The following FRMD3 variants were observed in gnomAD, a reference collection of about 807,000 sequenced individuals.
FRMD3 encodes FERM domain-containing protein 3.
A neutral mutation model predicts 70.2 loss-of-function variants in FRMD3; 33 were observed. That is an observed-to-expected ratio of 0.47 (90% CI 0.36 to 0.63). The LOEUF (loss-of-function observed/expected upper bound fraction) is 0.63, where lower values mean the gene tolerates loss of function less well. FRMD3 is among the 20% of genes least tolerant of loss of function. The probability of loss-of-function intolerance (pLI) is 0.00; values close to 1 mark genes in which losing one functional copy is unlikely to be tolerated. For synonymous variants in FRMD3, 279 were observed against 255.9 expected (o/e 1.09, Z -0.86); for missense variants, 632 against 711.4 (o/e 0.89, Z 1.27).
At chr9:83,473,005 C>T (rs1828307228) in intron 1 of FRMD3, among the ~76,000 whole-genome samples, 1 of 152,184 alleles carries the variant, frequency 6.6e-6, no homozygotes, top group Non-Finnish European at 1.5e-5. Context: ...GTGGCGAAAC[C>T]TCCCAGGCTC....
intron 1 of FRMD3, among the ~76,000 whole-genome samples, chr9:83,446,748 G>A (rs549521670): frequency 6.6e-6 from 1 of 151,966 alleles, no homozygotes; most frequent in African/African-American, 2.4e-5. Context: ...TTGCCAAGTA[G>A]GAAAGTCTTT....
intron 1 of FRMD3, among the ~76,000 whole-genome samples, chr9:83,437,695 T>C (rs1827175672): frequency 6.6e-6 from 1 of 152,126 alleles, no homozygotes; most frequent in Non-Finnish European, 1.5e-5. Flanking sequence ...CCAGCTGAGA[T>C]TGAGCCTATA....
intron 1 of FRMD3, among the ~76,000 whole-genome samples, chr9:83,488,227 A>G (rs1171117777): frequency 6.6e-6 from 1 of 152,216 alleles, no homozygotes; most frequent in Non-Finnish European, 1.5e-5. Context: ...AGGATGCACA[A>G]CATCTGAGTG....
At chr9:83,289,761 GTTTAT>G (rs941459789) in intron 13 of FRMD3, among the ~76,000 whole-genome samples, 8 of 152,134 alleles carry the variant, frequency 5.3e-5, no homozygotes, top group South Asian at 2.1e-4. Flanking sequence ...GTTCCAATAA[GTTTAT>G]TTTGTGTGCA....
chr9:83,553,038 G>A, the FRMD3 span, among the ~76,000 whole-genome samples: 1 of 152,088 alleles, frequency 6.6e-6, no homozygotes, highest in African/African-American at 2.4e-5. Context: ...CTGTTAGCTG[G>A]CTGTCATGTT....
chr9:83,279,727 T>A (rs1833907093), intron 13 of FRMD3, among the ~76,000 whole-genome samples: 1 of 149,982 alleles, frequency 6.7e-6, no homozygotes, highest in African/African-American at 2.5e-5. Flanking sequence ...ATGTTCTCAC[T>A]TGTAAGTGGG....
At chr9:83,434,539 G>C (rs1357220318) in intron 1 of FRMD3, among the ~76,000 whole-genome samples, 1 of 152,160 alleles carries the variant, frequency 6.6e-6, no homozygotes, top group East Asian at 1.9e-4. Flanking sequence ...ATCCCTTCCT[G>C]CTTACCCAGC....
At chr9:83,278,029 T>G (rs190600025) in intron 13 of FRMD3, among the ~76,000 whole-genome samples, 55 of 152,252 alleles carry the variant, frequency 3.6e-4, no homozygotes, top group Admixed American at 4.6e-4. Flanking sequence ...AACAGGGTGA[T>G]AGCATGAGAG....
chr9:83,534,318 A>G lies in FRMD3; in HGVS notation c.147+3767T>C, dbSNP rs1224965769. Among the ~76,000 whole-genome samples, 3 of 152,202 alleles carry G rather than the reference A, an allele frequency of 2.0e-5. 1 individual carries two copies. Among genetic ancestry groups the G allele is most frequent in the South Asian group, 4.1e-4 (2 of 4,832 alleles). On this transcript the variant is annotated intron_variant, in intron 1 of 13. Transcript: ENST00000304195. ...AGAGCCAGTGACTTCCACATCTCTT[A>G]TTGGAACTGACCACCAGTCTGCTGA...
In FRMD3 at chr9:83,257,935, CTA is replaced by C. The variant is rs373968556; in HGVS notation, c.1196-9421_1196-9420del. 8.1e-4 allele frequency among the ~76,000 whole-genome samples: 123 copies of C among 152,310 alleles called. No homozygotes were observed. In the South Asian group the frequency reaches 0.025, roughly 31 times the overall value. Reference sequence around the variant, plus strand: ...CATAGAAAACACTCAATAATGTTAACTAATATTACCTTTTAGTGTAGCAATAT... The same window carrying C: ...CATAGAAAACACTCAATAATGTTAACATATTACCTTTTAGTGTAGCAATAT... On this transcript the variant is annotated intron_variant, in intron 13 of 13. Coordinates refer to ENST00000304195, the MANE Select transcript of FRMD3 (RefSeq NM_174938.6).
chr9:83,283,711 T>G (rs996483082), intron 13 of FRMD3, among the ~76,000 whole-genome samples: 5 of 152,288 alleles, frequency 3.3e-5, no homozygotes, highest in Admixed American at 1.3e-4. Context: ...TATGTGCTTA[T>G]CAGCAGCTGG....
At chr9:83,584,239 A>T in the FRMD3 span, among the ~76,000 whole-genome samples, 25 of 152,034 alleles carry the variant, frequency 1.6e-4, no homozygotes, top group Non-Finnish European at 1.9e-4. Flanking sequence ...GGGACCTGGG[A>T]GATGGAGGCT....
At chr9:83,391,493 C>A (rs535465642) in intron 1 of FRMD3, among the ~76,000 whole-genome samples, 5 of 152,276 alleles carry the variant, frequency 3.3e-5, no homozygotes, top group African/African-American at 1.2e-4. Context: ...GTATTCCCTA[C>A]CATATTCCAG....
At chr9:83,427,281 C>T (rs944423956) in intron 1 of FRMD3, among the ~76,000 whole-genome samples, 3 of 152,210 alleles carry the variant, frequency 2.0e-5, no homozygotes, top group African/African-American at 7.2e-5. Context: ...TGATTCCTAA[C>T]ACTGTAGGTG....
At chr9:83,549,678 A>T in the FRMD3 span, among the ~76,000 whole-genome samples, 1 of 152,066 alleles carries the variant, frequency 6.6e-6, no homozygotes, top group Non-Finnish European at 1.5e-5. Context: ...TGTGCTTTTG[A>T]TTTGCATTTG....
chr9:83,527,389 C>G (rs1309972716), intron 1 of FRMD3, among the ~76,000 whole-genome samples: 1 of 152,192 alleles, frequency 6.6e-6, no homozygotes, highest in African/African-American at 2.4e-5. Flanking sequence ...GTGATAGACA[C>G]ACCAGGATGG....
At chr9:83,472,593 G>T (rs1348516432) in intron 1 of FRMD3, among the ~76,000 whole-genome samples, 1 of 152,038 alleles carries the variant, frequency 6.6e-6, no homozygotes, top group Non-Finnish European at 1.5e-5. Flanking sequence ...CCTCACTAGG[G>T]GCCAGCACAA....
rs368690752 is a variant in FRMD3 at position 83,421,129 on chromosome 9, G to A, written c.148-31421C>T. Among the ~76,000 whole-genome samples, 11 of 150,778 alleles carry A rather than the reference G, an allele frequency of 7.3e-5. No individual in the cohort carries two copies. In the East Asian group the frequency reaches 1.6e-3, roughly 21 times the overall value. On this transcript the variant is annotated intron_variant, in intron 1 of 13. Transcript: ENST00000304195. ...CTAATTTTTTGTATTTTTAGTAGAGGCGGGGTTTCACTGTGTTAGCCAGGA... is the reference window on the plus strand; with the variant it reads ...CTAATTTTTTGTATTTTTAGTAGAGACGGGGTTTCACTGTGTTAGCCAGGA...
Position 83,247,182 on chromosome 9 carries a change from C to T in FRMD3, c.*736G>A. On this transcript the variant is annotated 3_prime_UTR_variant, in exon 14 of 14. Coordinates refer to ENST00000304195, the MANE Select transcript of FRMD3 (RefSeq NM_174938.6). ...CTCTCAGTTTCTACATCCTCCAGTT[C>T]CATCCTCTGTTTTAGCAGCTTACTT... The T allele has an allele frequency of 1.0e-6, 1 of 985,360 alleles. No homozygotes were observed. Among genetic ancestry groups the T allele is most frequent in the Non-Finnish European group, 1.2e-6 (1 of 829,884 alleles). 61.0% of individuals were successfully genotyped at this position (985,360 alleles called of 1,614,324 possible). A position where few individuals can be genotyped will look rare whatever the true frequency, so the allele number is the denominator to read the frequency against.
Sources: allele counts gnomAD v4.1 joint callset (sites outside exome capture counted in the v4.1 genomes callset), GRCh38; gene constraint gnomAD v4.1.1; transcripts MANE v1.5; gene names NCBI Gene and HGNC (gene_info 2026-07-23, HGNC 2026-07-21).